The following SIPA1L3 variants were observed in gnomAD, a reference collection of about 807,000 sequenced individuals.
SIPA1L3 encodes the protein signal induced proliferation associated 1 like 3.
SIPA1L3 carries 59 observed loss-of-function variants against 150.1 expected under a neutral mutation model. That is an observed-to-expected ratio of 0.39 (90% CI 0.32 to 0.49). The LOEUF (loss-of-function observed/expected upper bound fraction) is 0.49, where lower values mean the gene tolerates loss of function less well. Ranked by LOEUF, SIPA1L3 falls within the 20% of genes least tolerant of loss-of-function variation. The pLI is 0.86. For synonymous variants in SIPA1L3, 1,070 were observed against 1,077.6 expected (o/e 0.99, Z 0.14); for missense variants, 2,211 against 2,489.5 (o/e 0.89, Z 2.38).
intron 2 of SIPA1L3, among the ~76,000 whole-genome samples, chr19:38,079,157 C>G (rs1306385722): frequency 6.6e-6 from 1 of 152,154 alleles, no homozygotes; most frequent in Non-Finnish European, 1.5e-5. Context: ...ACGGTGAAAC[C>G]CTGTCTCTAC....
chr19:37,968,324 C>T (rs532360367), intron 1 of SIPA1L3, among the ~76,000 whole-genome samples: 16 of 151,994 alleles, frequency 1.1e-4, no homozygotes, highest in East Asian at 1.9e-4. Context: ...CTGCCCACCT[C>T]GGCCTCCAAA....
At chr19:37,954,574 T>A (rs1158003318) in intron 1 of SIPA1L3, among the ~76,000 whole-genome samples, 1 of 152,108 alleles carries the variant, frequency 6.6e-6, no homozygotes, top group Non-Finnish European at 1.5e-5. Flanking sequence ...GAACATTGCT[T>A]CCCTTGAAAA....
In SIPA1L3 at chr19:37,976,418, G is replaced by A. The variant is rs997979453; in HGVS notation, c.-378-52671G>A. Among the ~76,000 whole-genome samples the A allele has an allele frequency of 1.6e-4, 24 of 152,230 alleles. 1 individual carries two copies. The South Asian group carries it at 3.9e-3, about 25-fold the overall frequency. On this transcript the variant is annotated intron_variant, in intron 1 of 21. Coordinates refer to ENST00000222345, the MANE Select transcript of SIPA1L3 (RefSeq NM_015073.3). ...CACTGCAGCACTGGGAAGCAGTGCC[G>A]GCCAGTCTGGCAGAAAGTGTGAAAC...
intron 2 of SIPA1L3, among the ~76,000 whole-genome samples, chr19:38,075,199 A>G (rs1317420885): frequency 3.3e-5 from 5 of 152,160 alleles, no homozygotes; most frequent in African/African-American, 7.2e-5. Flanking sequence ...GCTCACGCCT[A>G]TAATCCTAGC....
intron 1 of SIPA1L3, among the ~76,000 whole-genome samples, chr19:37,981,419 T>C (rs1967198078): frequency 6.9e-6 from 1 of 144,250 alleles, no homozygotes; most frequent in Non-Finnish European, 1.5e-5. Flanking sequence ...GGAGACCCTG[T>C]CTCAAAAAAA....
rs141474386 is a variant in SIPA1L3, at chr19:38,126,297, A to C, written c.2869-4201A>C. On this transcript the variant is annotated intron_variant, in intron 9 of 21. Transcript: ENST00000222345. ...AGAACCTATCAGATGGTGCTAAATC[A>C]GACAAGGAGAAGGTCTCAAATCCAC... 6.5e-3 allele frequency among the ~76,000 whole-genome samples: 984 copies of C among 152,330 alleles called. 7 individuals are homozygous for C. The highest frequency in any genetic ancestry group is 0.011 in the Non-Finnish European group (780 of 68,030).
chr19:37,910,692 C>T (rs905973245), intron 1 of SIPA1L3, among the ~76,000 whole-genome samples: 2 of 152,204 alleles, frequency 1.3e-5, no homozygotes, highest in African/African-American at 2.4e-5. Flanking sequence ...GCAACTTCCA[C>T]CTCCTAGGTT....
intron 3 of SIPA1L3, among the ~76,000 whole-genome samples, chr19:38,083,992 CAA>C (rs748446835): frequency 9.0e-4 from 64 of 71,462 alleles, no homozygotes; most frequent in Admixed American, 1.5e-3. Context: ...GACTCTGTCT[CAA>C]AAAAAAAAAA....
chr19:38,120,762 G>A (rs895491363), intron 9 of SIPA1L3, among the ~76,000 whole-genome samples: 1 of 152,208 alleles, frequency 6.6e-6, no homozygotes, highest in Non-Finnish European at 1.5e-5. Flanking sequence ...TGATAGCTTA[G>A]CTGCTGTCTG....
rs1210123799 is a variant in SIPA1L3, at chr19:38,081,710, C to T, written c.145C>T (p.Pro49Ser). Residue 49 changes from proline (P) to serine (S), a missense_variant, in exon 3 of 22, where the codon CCT becomes TCT. By Grantham distance (74) the Pro-to-Ser change is moderately conservative. This residue lies in a region of SIPA1L3 where 130 missense variants were observed against 174.5 expected (regional missense o/e 0.74). Transcript: ENST00000222345. ...GGCCCAGAATGGCAGCATGTCCCAG[C>T]CTCTTGGCGAGAGCCCGGCCACCGC... ...FWAQNGSMSQPLGESPATATA... is the reference protein window; with the variant it reads ...FWAQNGSMSQSLGESPATATA... 6 of 1,609,624 alleles carry T rather than the reference C, an allele frequency of 3.7e-6. No homozygotes were observed. Among genetic ancestry groups the T allele is most frequent in the Non-Finnish European group, 4.2e-6 (5 of 1,178,976 alleles).
At chr19:38,157,852 G>A (rs1329867534) in intron 13 of SIPA1L3, among the ~76,000 whole-genome samples, 1 of 152,202 alleles carries the variant, frequency 6.6e-6, no homozygotes, top group Non-Finnish European at 1.5e-5. Flanking sequence ...AGGCAGGCAT[G>A]TTTTCTGCCT....
At chr19:38,121,519 T>C (rs1382504526) in intron 9 of SIPA1L3, among the ~76,000 whole-genome samples, 1 of 150,864 alleles carries the variant, frequency 6.6e-6, no homozygotes. Context: ...GGTGGGCAGA[T>C]CACAAGGTCA....
chr19:37,926,010 G>GTGAC (rs1476840165), intron 1 of SIPA1L3, among the ~76,000 whole-genome samples: 3 of 152,194 alleles, frequency 2.0e-5, no homozygotes, highest in Non-Finnish European at 4.4e-5. Context: ...TTTCCTGATG[G>GTGAC]TGACCAGTTC....
chr19:38,146,300 T>G (rs992911606), intron 12 of SIPA1L3, among the ~76,000 whole-genome samples: 1 of 152,226 alleles, frequency 6.6e-6, no homozygotes, highest in Non-Finnish European at 1.5e-5. Flanking sequence ...TCTAGTTCAC[T>G]CATTATGCTG....
intron 8 of SIPA1L3, among the ~76,000 whole-genome samples, chr19:38,111,964 TACATGCACAC>T (rs36229761): frequency 0.23 from 33,537 of 145,582 alleles, 4,818 homozygotes; most frequent in African/African-American, 0.43. Flanking sequence ...TGCACACACG[TACATGCACAC>T]ACATGCACAC....
intron 4 of SIPA1L3, among the ~76,000 whole-genome samples, chr19:38,091,607 C>T (rs1242605330): frequency 6.6e-6 from 1 of 152,174 alleles, no homozygotes; most frequent in Non-Finnish European, 1.5e-5. Flanking sequence ...AAAGCACCCT[C>T]CAGGGAGTGG....
chr19:38,101,900 G>A (rs976737861), intron 6 of SIPA1L3, among the ~76,000 whole-genome samples: 4 of 152,176 alleles, frequency 2.6e-5, no homozygotes, highest in African/African-American at 7.2e-5. Context: ...GAGTTGCGCC[G>A]TGTTCACCCA....
At chr19:38,205,905 G>A (rs1228065369) in intron 21 of SIPA1L3, among the ~76,000 whole-genome samples, 192 bp from the exon 22 acceptor site, 1 of 152,224 alleles carries the variant, frequency 6.6e-6, no homozygotes, top group Non-Finnish European at 1.5e-5. Flanking sequence ...TAGAGTTGCG[G>A]GAACCAAGTG....
chr19:37,941,952 G>A (rs1368758128), intron 1 of SIPA1L3, among the ~76,000 whole-genome samples: 3 of 152,178 alleles, frequency 2.0e-5, no homozygotes, highest in Non-Finnish European at 2.9e-5. Context: ...GCAGTAGCAC[G>A]CTTGAAATCA....
Sources: allele counts gnomAD v4.1 joint callset (sites outside exome capture counted in the v4.1 genomes callset), GRCh38; gene constraint gnomAD v4.1.1; regional missense constraint gnomAD v4.1.1; transcripts MANE v1.5; gene names NCBI Gene and HGNC (gene_info 2026-07-23, HGNC 2026-07-21).